BARD1: variants seen among roughly 807,000 people sequenced by gnomAD.
BARD1 encodes BRCA1-associated RING domain protein 1.
Under a neutral mutation model 77.0 loss-of-function variants are expected in BARD1, and 73 were observed. The observed-to-expected ratio is 0.95, with a 90% CI of 0.79 to 1.15. The LOEUF (loss-of-function observed/expected upper bound fraction) is 1.15. BARD1 is among the 50% of genes most tolerant of loss of function. BARD1 has a pLI of 0.00. For missense variants in BARD1, 993 were observed against 938.8 expected, an observed-to-expected ratio of 1.06 and a Z score of -0.75; for synonymous variants, 384 against 338.0, an observed-to-expected ratio of 1.14 and a Z score of -1.49.
At chr2:214,770,380 CAAT>C (rs1320651364) in intron 4 of BARD1, among the ~76,000 whole-genome samples, 1 of 152,064 alleles carries the variant, frequency 6.6e-6, no homozygotes, top group Non-Finnish European at 1.5e-5. Flanking sequence ...AGCTATGCAA[CAAT>C]GTTATAACAG....
chr2:214,745,178 A>T lies in BARD1; in HGVS notation c.1811-19T>A. Reference sequence around the variant, plus strand: ...TGAGTTACTAAAATACAAAAAAAGCAGTAAGAGAAAGAAAGATACAAGCCA... The same window carrying T: ...TGAGTTACTAAAATACAAAAAAAGCTGTAAGAGAAAGAAAGATACAAGCCA... On this transcript the variant is annotated intron_variant, in intron 8 of 10. Transcript: ENST00000260947. The T allele has an allele frequency of 6.3e-7, 1 of 1,598,996 alleles. No individual in the cohort carries two copies. Among genetic ancestry groups the T allele is most frequent in the Non-Finnish European group, 8.6e-7 (1 of 1,166,414 alleles).
intron 3 of BARD1, among the ~76,000 whole-genome samples, chr2:214,786,935 A>G (rs1328067087): frequency 1.3e-5 from 2 of 151,978 alleles, no homozygotes; most frequent in East Asian, 1.9e-4. Flanking sequence ...TTTCAAAACC[A>G]AGTCACTTCT....
chr2:214,782,005 G>A (rs1010650016), intron 3 of BARD1, among the ~76,000 whole-genome samples: 10 of 151,966 alleles, frequency 6.6e-5, no homozygotes, highest in Admixed American at 1.3e-4. Flanking sequence ...AAATTTACAC[G>A]GAAAAAGAAA....
At position 214,809,525 on chromosome 2, in the gene BARD1, GCGGATCCTCGGCTGC is replaced by G. The variant is rs587781297; in HGVS notation, c.30_44del (p.Gln11_Arg15del). On this transcript the variant is annotated inframe_deletion, in exon 1 of 11. Transcript: ENST00000260947. ...GCGCGGAACGAGGCTCGTTCCCGGA[GCGGATCCTCGGCTGC>G]CGGTTCCTCGGCTGCCGATTATCCG... 19 of 1,589,118 alleles carry G rather than the reference GCGGATCCTCGGCTGC, an allele frequency of 1.2e-5. No individual in the cohort carries two copies. In the East Asian group the frequency reaches 1.6e-4, roughly 13 times the overall value.
chr2:214,731,147 AG>A (rs201816174), intron 9 of BARD1: 892 of 213,378 alleles, frequency 4.2e-3, no homozygotes, highest in Non-Finnish European at 6.2e-3. Context: ...GAAAAAAAAA[AG>A]CATTCTTTTG....
rs879254246 is a variant in BARD1, at chr2:214,752,567, A to C, written c.1569-12T>G. On this transcript the variant is annotated splice_polypyrimidine_tract_variant and intron_variant, in intron 6 of 10. Coordinates refer to ENST00000260947, the MANE Select transcript of BARD1 (RefSeq NM_000465.4). ...GACCAAATATATTACTGGTAAAATA[A>C]GTGCAGATGTGTTTAAGTAAGTCAA... The C allele has an allele frequency of 1.3e-6, 2 of 1,594,562 alleles. No homozygotes were observed. Among genetic ancestry groups the C allele is most frequent in the Admixed American group, 1.7e-5 (1 of 59,952 alleles).
chr2:214,760,547 G>A (rs1693907439), intron 6 of BARD1, among the ~76,000 whole-genome samples: 1 of 152,070 alleles, frequency 6.6e-6, no homozygotes, highest in Non-Finnish European at 1.5e-5. Flanking sequence ...GGATTACTTA[G>A]CCCTCTTATA....
At chr2:214,753,298 T>C (rs969548234) in intron 6 of BARD1, among the ~76,000 whole-genome samples, 2 of 152,194 alleles carry the variant, frequency 1.3e-5, no homozygotes, top group African/African-American at 4.8e-5. Context: ...GCCTAAAGTC[T>C]TTCAATTATA....
At chr2:214,764,326 G>C (rs1003252632) in intron 6 of BARD1, among the ~76,000 whole-genome samples, 1 of 152,164 alleles carries the variant, frequency 6.6e-6, no homozygotes, top group Admixed American at 6.5e-5. Context: ...ACAGCCTCAC[G>C]AGAAGGGAGG....
chr2:214,741,330 A>T (rs1301889913), intron 9 of BARD1, among the ~76,000 whole-genome samples: 1 of 152,162 alleles, frequency 6.6e-6, no homozygotes, highest in Non-Finnish European at 1.5e-5. Flanking sequence ...ATGAGATAAG[A>T]AAAGAAGATG....
intron 4 of BARD1, among the ~76,000 whole-genome samples, chr2:214,779,227 T>C (rs1159299430): frequency 6.6e-6 from 1 of 152,108 alleles, no homozygotes; most frequent in African/African-American, 2.4e-5. Flanking sequence ...GGGGATTGGT[T>C]CCAGAATCCC....
chr2:214,799,666 T>C (rs1426308544), intron 1 of BARD1, among the ~76,000 whole-genome samples: 1 of 150,564 alleles, frequency 6.6e-6, no homozygotes, highest in Non-Finnish European at 1.5e-5. Context: ...CTTTCTTCTC[T>C]CATTTGCATC....
intron 3 of BARD1, among the ~76,000 whole-genome samples, chr2:214,783,181 T>G (rs890832236): frequency 2.0e-5 from 3 of 152,160 alleles, no homozygotes; most frequent in African/African-American, 7.2e-5. Flanking sequence ...CCATGAATAC[T>G]GTATTTTCCA....
At chr2:214,784,041 A>C (rs530704119) in intron 3 of BARD1, among the ~76,000 whole-genome samples, 143 of 152,308 alleles carry the variant, frequency 9.4e-4, no homozygotes, top group African/African-American at 3.2e-3. Flanking sequence ...ATGGGATCTA[A>C]TTAAACTAAA....
rs185973867 is a variant in BARD1, at chr2:214,726,475, T to G, written c.*2201A>C. ...CGGAATAATCTAAGGTAATAAAGTA[T>G]CTAGTACACTTTAGAAATATTTTTA... On this transcript the variant is annotated 3_prime_UTR_variant, in exon 11 of 11. Transcript: ENST00000260947. 1.3e-4 allele frequency: 28 copies of G among 216,386 alleles called. No homozygotes were observed. Among genetic ancestry groups the G allele is most frequent in the Non-Finnish European group, 2.3e-4 (25 of 107,488 alleles). 13.4% of individuals were successfully genotyped at this position (216,386 alleles called of 1,614,324 possible).
chr2:214,734,790 C>T lies in BARD1; in HGVS notation c.1904-4282G>A, dbSNP rs373753272. On this transcript the variant is annotated intron_variant, in intron 9 of 10. Transcript: ENST00000260947. ...TTTTCTAACTTTAAATGACCAAGGACACAACTGTTTGTTCTAAGAAAAGAT... is the reference window on the plus strand; with the variant it reads ...TTTTCTAACTTTAAATGACCAAGGATACAACTGTTTGTTCTAAGAAAAGAT... Among the ~76,000 whole-genome samples, 16 of 152,238 alleles carry T rather than the reference C, an allele frequency of 1.1e-4. No individual in the cohort carries two copies. In the South Asian group the frequency reaches 3.3e-3, roughly 32 times the overall value.
intron 9 of BARD1, among the ~76,000 whole-genome samples, chr2:214,731,924 T>C (rs150329718): frequency 5.9e-4 from 90 of 152,332 alleles, no homozygotes; most frequent in African/African-American, 2.0e-3. Context: ...CATTGACAGA[T>C]TGTATCCACA....
chr2:214,771,382 A>G (rs1189141621), intron 4 of BARD1, among the ~76,000 whole-genome samples: 1 of 152,098 alleles, frequency 6.6e-6, no homozygotes, highest in East Asian at 1.9e-4. Flanking sequence ...TGGTTTGATA[A>G]TGTAGAAATC....
chr2:214,757,696 T>C (rs756052555), intron 6 of BARD1, among the ~76,000 whole-genome samples: 2 of 152,026 alleles, frequency 1.3e-5, no homozygotes, highest in Non-Finnish European at 2.9e-5. Flanking sequence ...ATTCAGCAAA[T>C]ACTTTGAAAA....
Sources: allele counts gnomAD v4.1 joint callset (sites outside exome capture counted in the v4.1 genomes callset), GRCh38; gene constraint gnomAD v4.1.1; transcripts MANE v1.5; gene names NCBI Gene and HGNC (gene_info 2026-07-23, HGNC 2026-07-21).